NRXN1: variants seen among roughly 807,000 people sequenced by gnomAD.
NRXN1 encodes neurexin-1.
Under a neutral mutation model 150.9 loss-of-function variants are expected in NRXN1, and 39 were observed. The observed-to-expected ratio is 0.26, with a 90% CI of 0.20 to 0.34. The LOEUF is 0.34. Ranked by LOEUF, NRXN1 falls within the 10% of genes least tolerant of loss-of-function variation. The pLI, the probability that NRXN1 is intolerant of heterozygous loss-of-function variation, is 1.00. For synonymous variants in NRXN1, 924 were observed against 757.0 expected, an observed-to-expected ratio of 1.22 and a Z score of -3.62; for missense variants, 1,815 against 1,949.9, an observed-to-expected ratio of 0.93 and a Z score of 1.30.
At chr2:50,390,554 G>C (rs1572796178) in intron 17 of NRXN1, among the ~76,000 whole-genome samples, 1 of 152,246 alleles carries the variant, frequency 6.6e-6, no homozygotes, top group Admixed American at 6.5e-5. Context: ...GTTATGGTTT[G>C]ACTGTGTTCC....
intron 10 of NRXN1, among the ~76,000 whole-genome samples, chr2:50,535,725 C>T (rs2093240612): frequency 6.6e-6 from 1 of 152,174 alleles, no homozygotes; most frequent in Admixed American, 6.6e-5. Context: ...ATACTCTCTT[C>T]TTGTCTGCCT....
chr2:50,819,655 A>G (rs1487986893), intron 5 of NRXN1, among the ~76,000 whole-genome samples: 1 of 152,102 alleles, frequency 6.6e-6, no homozygotes, highest in African/African-American at 2.4e-5. Flanking sequence ...ACACTTAGCA[A>G]TTTGTTAAGA....
intron 5 of NRXN1, among the ~76,000 whole-genome samples, chr2:50,702,570 C>T (rs892293609): frequency 1.3e-5 from 2 of 151,884 alleles, no homozygotes; most frequent in African/African-American, 4.8e-5. Flanking sequence ...ATTTATAATG[C>T]CTTGGCCGCC....
chr2:49,950,090 A>T (rs1221091025), intron 21 of NRXN1, among the ~76,000 whole-genome samples: 1 of 151,974 alleles, frequency 6.6e-6, no homozygotes, highest in East Asian at 1.9e-4. Flanking sequence ...AGTTTCTAGG[A>T]GGTAAGGGAA....
At chr2:50,491,974 A>C (rs973074053) in intron 15 of NRXN1, among the ~76,000 whole-genome samples, 1 of 152,188 alleles carries the variant, frequency 6.6e-6, no homozygotes, top group Non-Finnish European at 1.5e-5. Flanking sequence ...AAATACAGTA[A>C]CTTCAGTTAA....
intron 17 of NRXN1, among the ~76,000 whole-genome samples, chr2:50,429,234 C>CT (rs34404558): frequency 6.6e-6 from 1 of 151,650 alleles, no homozygotes; most frequent in South Asian, 2.1e-4. Context: ...GAAATCATCT[C>CT]TTTTTTTAGG....
intron 17 of NRXN1, among the ~76,000 whole-genome samples, chr2:50,422,925 A>C (rs967632005): frequency 9.9e-5 from 15 of 152,152 alleles, no homozygotes; most frequent in African/African-American, 3.6e-4. Flanking sequence ...TTGTTGACTG[A>C]TGTCATACTG....
chr2:50,623,073 C>A (rs1014955028), intron 6 of NRXN1, among the ~76,000 whole-genome samples: 2 of 152,094 alleles, frequency 1.3e-5, no homozygotes, highest in African/African-American at 4.8e-5. Flanking sequence ...GCAGGGATAT[C>A]CTTGCAGCCC....
intron 17 of NRXN1, among the ~76,000 whole-genome samples, chr2:50,307,260 G>GT (rs1236661138): frequency 6.6e-6 from 1 of 152,164 alleles, no homozygotes; most frequent in Non-Finnish European, 1.5e-5. Flanking sequence ...GGGATCACAG[G>GT]TGTGAGCCAC....
chr2:50,435,536 G>A (rs996882502), intron 17 of NRXN1, among the ~76,000 whole-genome samples: 1 of 152,058 alleles, frequency 6.6e-6, no homozygotes, highest in African/African-American at 2.4e-5. Context: ...TCTTTATCTA[G>A]TCTACCCTTG....
chr2:50,829,112 G>A (rs190108314), intron 5 of NRXN1, among the ~76,000 whole-genome samples: 11 of 150,604 alleles, frequency 7.3e-5, no homozygotes, highest in South Asian at 2.1e-4. Context: ...GCCTGCAATC[G>A]CAGGCACTCG....
At chr2:50,637,014 C>A (rs79858287) in intron 5 of NRXN1, among the ~76,000 whole-genome samples, 9,960 of 152,154 alleles carry the variant, frequency 0.065, 435 homozygotes, top group Non-Finnish European at 0.093. Flanking sequence ...TCCCTATGGG[C>A]TCCATGGATA....
chr2:50,437,931 C>T (rs1203426798), intron 17 of NRXN1, among the ~76,000 whole-genome samples: 1 of 152,092 alleles, frequency 6.6e-6, no homozygotes, highest in Non-Finnish European at 1.5e-5. Context: ...AATTAAACAG[C>T]AGAAAAATCT....
intron 5 of NRXN1, among the ~76,000 whole-genome samples, chr2:50,678,637 A>G (rs1365096285): frequency 3.9e-5 from 6 of 152,140 alleles, no homozygotes; most frequent in African/African-American, 1.4e-4. Flanking sequence ...CTCCTTCTCC[A>G]GATCTTTTCA....
rs1035124424 is a variant in NRXN1 at position 50,275,543 on chromosome 2, A to G, written c.3365-38573T>C. ...TCATGGGTAGTTGTCTTCACTTACT[A>G]TAGTCCCAGAACATAATTGTTGCCC... On this transcript the variant is annotated intron_variant, in intron 17 of 22. Transcript: ENST00000401669. 3.9e-5 allele frequency among the ~76,000 whole-genome samples: 6 copies of G among 152,028 alleles called. No individual in the cohort carries two copies. In the East Asian group the frequency reaches 1.2e-3, roughly 29 times the overall value.
chr2:50,655,759 G>A (rs1233124480), intron 5 of NRXN1, among the ~76,000 whole-genome samples: 3 of 151,754 alleles, frequency 2.0e-5, no homozygotes, highest in Non-Finnish European at 4.4e-5. Context: ...CCACATAAAC[G>A]TAACTAGTGT....
At chr2:50,064,367 A>T (rs1167150029) in intron 19 of NRXN1, among the ~76,000 whole-genome samples, 1 of 152,014 alleles carries the variant, frequency 6.6e-6, no homozygotes, top group Non-Finnish European at 1.5e-5. Context: ...AATGATTTAT[A>T]GTCTGAGGTG....
chr2:50,772,362 C>T (rs938362431), intron 5 of NRXN1, among the ~76,000 whole-genome samples: 3 of 151,514 alleles, frequency 2.0e-5, no homozygotes, highest in African/African-American at 7.3e-5. Flanking sequence ...GATAATATGC[C>T]TATGACTGCT....
chr2:50,936,544 C>T (rs1250867036), intron 2 of NRXN1, among the ~76,000 whole-genome samples: 2 of 152,070 alleles, frequency 1.3e-5, no homozygotes, highest in Non-Finnish European at 2.9e-5. Context: ...TAGCTTGTGG[C>T]AGTACCTAGT....
Sources: gnomAD v4.1 joint callset for allele counts (sites outside exome capture counted in the v4.1 genomes callset) on GRCh38, gnomAD v4.1.1 for gene constraint, MANE v1.5 for transcripts, NCBI Gene and HGNC (gene_info 2026-07-23, HGNC 2026-07-21) for gene names.